The following MORC1 variants were observed in gnomAD, a reference collection of about 807,000 sequenced individuals.
The protein encoded by MORC1 is MORC family CW-type zinc finger protein 1.
Under a neutral mutation model 134.9 loss-of-function variants are expected in MORC1, and 59 were observed. The observed-to-expected ratio is 0.44, with a 90% CI of 0.35 to 0.54. The LOEUF is 0.54. MORC1 is among the 20% of genes least tolerant of loss of function. MORC1 has a pLI of 0.00. For synonymous variants in MORC1, 395 were observed against 391.7 expected (o/e 1.01, Z -0.10); for missense variants, 947 against 1,134.5 (o/e 0.83, Z 2.37).
rs745630819 is a variant in MORC1, at chr3:109,027,902, C to T, written c.1566-13G>A. 2 of 1,612,204 alleles carry T rather than the reference C, an allele frequency of 1.2e-6. No individual in the cohort carries two copies. Among genetic ancestry groups the T allele is most frequent in the Non-Finnish European group, 1.7e-6 (2 of 1,179,110 alleles). ...TACCTGATGACAACTTCAGAATCAA[C>T]AAGTACAAGATTAACATCAGGAGAA... On this transcript the variant is annotated splice_polypyrimidine_tract_variant and intron_variant, in intron 16 of 27. Transcript: ENST00000232603.
At chr3:109,091,446 A>AAATAAATAAATAAATAAATAAAT (rs1553762144) in intron 8 of MORC1, among the ~76,000 whole-genome samples, 2 of 146,942 alleles carry the variant, frequency 1.4e-5, no homozygotes, top group African/African-American at 5.0e-5. Context: ...TCCATCTAAA[A>AAATAAATAAATAAATAAATAAAT]AAATAAATAA....
At chr3:109,031,937 C>T (rs866138373) in intron 16 of MORC1, among the ~76,000 whole-genome samples, 30 of 152,286 alleles carry the variant, frequency 2.0e-4, no homozygotes, top group African/African-American at 6.7e-4. Flanking sequence ...CATTTTTCTT[C>T]AGTCTCTAAA....
intron 17 of MORC1, among the ~76,000 whole-genome samples, chr3:109,022,639 C>G (rs988944187): frequency 1.3e-5 from 2 of 152,162 alleles, no homozygotes; most frequent in Non-Finnish European, 1.5e-5. Context: ...TTTATTGTGA[C>G]CAGGTATAAG....
Position 109,099,470 on chromosome 3 carries a change from T to C in MORC1, c.315-4A>G, listed in dbSNP as rs756013857. ...TTTTCCAATTCTCATGGACCCACTA[T>C]ATTAAAAATGAAGAACATCATGTTT... is the stretch of plus-strand genomic sequence containing the variant. On this transcript the variant is annotated splice_polypyrimidine_tract_variant and splice_region_variant and intron_variant, in intron 5 of 27. Coordinates refer to ENST00000232603, the MANE Select transcript of MORC1 (RefSeq NM_014429.4). 42 of 1,595,570 alleles carry C rather than the reference T, an allele frequency of 2.6e-5. No homozygotes were observed. Among genetic ancestry groups the C allele is most frequent in the Middle Eastern group, 1.7e-4 (1 of 5,980 alleles).
At chr3:109,056,365 C>T (rs1306243337) in intron 13 of MORC1, among the ~76,000 whole-genome samples, 1 of 152,080 alleles carries the variant, frequency 6.6e-6, no homozygotes, top group Non-Finnish European at 1.5e-5. Context: ...GTAGCTGAGA[C>T]CACAGGTGCC....
intron 14 of MORC1, among the ~76,000 whole-genome samples, chr3:109,042,837 A>G (rs1949585468): frequency 6.6e-6 from 1 of 152,190 alleles, no homozygotes; most frequent in Admixed American, 6.5e-5. Flanking sequence ...TGAAAGACAA[A>G]TACTGTATAT....
intron 17 of MORC1, among the ~76,000 whole-genome samples, chr3:109,011,370 T>C (rs1193734674): frequency 1.3e-5 from 2 of 152,210 alleles, no homozygotes; most frequent in South Asian, 4.1e-4. Flanking sequence ...GGTTATCTCA[T>C]TGTGGTTTTA....
chr3:109,021,437 G>C (rs2107581163), intron 17 of MORC1, among the ~76,000 whole-genome samples: 2 of 152,290 alleles, frequency 1.3e-5, no homozygotes, highest in Middle Eastern at 6.8e-3. Context: ...GGGATGTAAT[G>C]TGGCAAGACT....
intron 21 of MORC1, among the ~76,000 whole-genome samples, chr3:108,997,399 G>A (rs1015143505): frequency 1.3e-5 from 2 of 151,998 alleles, no homozygotes; most frequent in Admixed American, 6.6e-5. Context: ...GGATGTGGTG[G>A]TGCATGTAAT....
intron 9 of MORC1, among the ~76,000 whole-genome samples, chr3:109,064,440 G>T (rs1050044563): frequency 2.0e-5 from 3 of 152,122 alleles, no homozygotes; most frequent in Admixed American, 6.6e-5. Context: ...TATAGAGCAT[G>T]ACTTAATACA....
chr3:109,005,462 A>C, intron 18 of MORC1, 147 bp from the exon 19 acceptor site: 1 of 710,000 alleles, frequency 1.4e-6, no homozygotes, highest in Non-Finnish European at 2.1e-6. Context: ...AACTTTAATA[A>C]TGTATAATGC....
chr3:109,071,737 G>A (rs1950321733), intron 8 of MORC1, among the ~76,000 whole-genome samples: 2 of 152,146 alleles, frequency 1.3e-5, no homozygotes, highest in South Asian at 4.1e-4. Context: ...AGCATCCAAG[G>A]TTTTTATTGG....
At chr3:108,978,728 GA>G (rs1246670359) in intron 24 of MORC1, among the ~76,000 whole-genome samples, 1 of 152,062 alleles carries the variant, frequency 6.6e-6, no homozygotes, top group Non-Finnish European at 1.5e-5. Flanking sequence ...AATCACTGAC[GA>G]AAAAATCAAG....
At chr3:109,071,005 C>T (rs981909645) in intron 8 of MORC1, among the ~76,000 whole-genome samples, 8 of 152,130 alleles carry the variant, frequency 5.3e-5, no homozygotes, top group Non-Finnish European at 1.0e-4. Flanking sequence ...TTTAATGTAA[C>T]AAGATAGGCT....
intron 17 of MORC1, among the ~76,000 whole-genome samples, chr3:109,023,880 C>T (rs188989714): frequency 5.3e-5 from 8 of 152,182 alleles, no homozygotes; most frequent in African/African-American, 1.7e-4. Context: ...ACTTGTCACT[C>T]GGTATAGAAA....
In MORC1 at chr3:109,040,485, A is replaced by AAAGAAAGGAAGG. The variant is rs61499269; in HGVS notation, c.1331-5018_1331-5017insCCTTCCTTTCTT. Among the ~76,000 whole-genome samples, 269 of 114,588 alleles carry AAAGAAAGGAAGG rather than the reference A, an allele frequency of 2.3e-3. 4 individuals carry two copies. The highest frequency in any genetic ancestry group is 0.011 in the South Asian group (35 of 3,236). The allele number at this position is 114,588 out of a possible 152,430, so 75.2% of individuals were successfully genotyped here. On this transcript the variant is annotated intron_variant, in intron 14 of 27. Transcript: ENST00000232603. Reference sequence around the variant, plus strand: ...GAAAGAAAGAAAGAAAGAAAGAAAGAAAGGAAAGAAAAGAAAGGAAGGAAG... The same window carrying AAAGAAAGGAAGG: ...GAAAGAAAGAAAGAAAGAAAGAAAGAAAGAAAGGAAGGAAGGAAAGAAAAGAAAGGAAGGAAG...
Position 109,094,887 on chromosome 3 carries a change from G to A in MORC1, c.583+22C>T, listed in dbSNP as rs772075627. On this transcript the variant is annotated intron_variant, in intron 7 of 27. Transcript: ENST00000232603. Reference sequence around the variant, plus strand: ...TGAAAACAAATACTTCCATCAAATTGTCAGAGTTTTGATGATCTTACCACA... The same window carrying A: ...TGAAAACAAATACTTCCATCAAATTATCAGAGTTTTGATGATCTTACCACA... The A allele has an allele frequency of 3.3e-6, 5 of 1,535,714 alleles. No individual in the cohort carries two copies. The South Asian group carries it at 3.9e-5, about 12-fold the overall frequency.
intron 14 of MORC1, among the ~76,000 whole-genome samples, chr3:109,038,504 C>G (rs1333555097): frequency 1.3e-5 from 2 of 151,926 alleles, no homozygotes; most frequent in South Asian, 2.1e-4. Context: ...AGTCATGAAG[C>G]CTTTGTCCAT....
intron 27 of MORC1, among the ~76,000 whole-genome samples, chr3:108,960,796 ACTT>A (rs947810636): frequency 3.3e-5 from 5 of 152,016 alleles, no homozygotes; most frequent in African/African-American, 9.7e-5. Flanking sequence ...ACTCCTTCTG[ACTT>A]CTTTTTAAAA....
Sources: allele counts gnomAD v4.1 joint callset (sites outside exome capture counted in the v4.1 genomes callset), GRCh38; gene constraint gnomAD v4.1.1; transcripts MANE v1.5; gene names NCBI Gene and HGNC (gene_info 2026-07-23, HGNC 2026-07-21).